UGT8: variants seen among roughly 807,000 people sequenced by gnomAD.
UGT8 encodes the protein 2-hydroxyacylsphingosine 1-beta-galactosyltransferase.
UGT8 carries 12 observed loss-of-function variants against 40.5 expected under a neutral mutation model. That is an observed-to-expected ratio of 0.30 (90% CI 0.19 to 0.48). The LOEUF (loss-of-function observed/expected upper bound fraction) is 0.48. Ranked by LOEUF, UGT8 falls within the 20% of genes least tolerant of loss-of-function variation. The probability of loss-of-function intolerance (pLI) is 0.99; values close to 1 mark genes in which losing one functional copy is unlikely to be tolerated. For missense variants in UGT8, 513 were observed against 648.7 expected (o/e 0.79, Z 2.27); for synonymous variants, 224 against 240.4 (o/e 0.93, Z 0.63).
chr4:114,620,244 C>G (rs994331968), intron 1 of UGT8, among the ~76,000 whole-genome samples: 3 of 152,212 alleles, frequency 2.0e-5, no homozygotes, highest in Admixed American at 2.0e-4. Flanking sequence ...GATCCAGAAC[C>G]CAGTGGAGAG....
chr4:114,645,642 A>G (rs1733524159), intron 2 of UGT8, among the ~76,000 whole-genome samples: 1 of 152,220 alleles, frequency 6.6e-6, no homozygotes, highest in South Asian at 2.1e-4. Context: ...AAATTCTCTT[A>G]TGGTCATCAT....
chr4:114,668,923 G>C (rs893044539), intron 5 of UGT8, among the ~76,000 whole-genome samples: 1 of 152,122 alleles, frequency 6.6e-6, no homozygotes, highest in African/African-American at 2.4e-5. Context: ...AGTCTCAAAG[G>C]GTGAAGAACT....
At chr4:114,615,984 G>C (rs189877056) in intron 1 of UGT8, among the ~76,000 whole-genome samples, 32 of 151,660 alleles carry the variant, frequency 2.1e-4, no homozygotes, top group Admixed American at 1.4e-3. Context: ...GGAGTACCTG[G>C]CCATGTGAGG....
At position 114,660,585 on chromosome 4, in the gene UGT8, A is replaced by G. The variant is rs193115286; in HGVS notation, c.823-3410A>G. ...TTGTTGATTTTTAAAATGTCTTTTTAAAATTATAATTCAGTTTAACTTTTA... is the reference window on the plus strand; with the variant it reads ...TTGTTGATTTTTAAAATGTCTTTTTGAAATTATAATTCAGTTTAACTTTTA... On this transcript the variant is annotated intron_variant, in intron 2 of 5. Transcript: ENST00000310836. Among the ~76,000 whole-genome samples the G allele has an allele frequency of 4.6e-5, 7 of 152,232 alleles. No homozygotes were observed. In the East Asian group the frequency reaches 7.7e-4, roughly 17 times the overall value.
At chr4:114,664,949 T>A (rs1020788809) in intron 3 of UGT8, among the ~76,000 whole-genome samples, 1 of 152,230 alleles carries the variant, frequency 6.6e-6, no homozygotes, top group Non-Finnish European at 1.5e-5. Context: ...TTCTCCTGGC[T>A]GAACTATGCA....
intron 2 of UGT8, among the ~76,000 whole-genome samples, chr4:114,646,551 G>A (rs1733583777): frequency 6.6e-6 from 1 of 152,096 alleles, no homozygotes; most frequent in South Asian, 2.1e-4. Context: ...CACTACTGGG[G>A]TTTCACAGGA....
At chr4:114,658,646 T>G (rs1405122212) in intron 2 of UGT8, among the ~76,000 whole-genome samples, 2 of 152,226 alleles carry the variant, frequency 1.3e-5, no homozygotes, top group African/African-American at 4.8e-5. Flanking sequence ...AAGCTCATTT[T>G]TTAAGAAGCT....
At chr4:114,671,338 C>G (rs1248461731) in intron 5 of UGT8, among the ~76,000 whole-genome samples, 1 of 151,984 alleles carries the variant, frequency 6.6e-6, no homozygotes, top group Non-Finnish European at 1.5e-5. Flanking sequence ...AAGAAGACCC[C>G]CTATAGCCAA....
intron 2 of UGT8, among the ~76,000 whole-genome samples, chr4:114,628,057 A>T (rs1333447722): frequency 6.6e-6 from 1 of 152,168 alleles, no homozygotes; most frequent in African/African-American, 2.4e-5. Context: ...TATAACTATC[A>T]TCTGTTTGTT....
At chr4:114,638,669 A>G (rs903828685) in intron 2 of UGT8, among the ~76,000 whole-genome samples, 1 of 152,196 alleles carries the variant, frequency 6.6e-6, no homozygotes, top group African/African-American at 2.4e-5. Flanking sequence ...CATGACTGAC[A>G]TTTTAGGTCA....
chr4:114,651,765 T>G (rs1030535667), intron 2 of UGT8, among the ~76,000 whole-genome samples: 1 of 152,256 alleles, frequency 6.6e-6, no homozygotes, highest in South Asian at 2.1e-4. Flanking sequence ...AAGTGTAACT[T>G]TATCCTAAAT....
chr4:114,663,209 C>T (rs1311764879), intron 2 of UGT8, among the ~76,000 whole-genome samples: 1 of 152,088 alleles, frequency 6.6e-6, no homozygotes, highest in Non-Finnish European at 1.5e-5. Flanking sequence ...GCATGGCTGA[C>T]ACAGGCATGG....
chr4:114,619,616 A>G (rs886805786), intron 1 of UGT8: 2 of 152,152 alleles, frequency 1.3e-5, no homozygotes, highest in East Asian at 3.9e-4. Context: ...TTTTCAGTCA[A>G]CATTTAATCT....
chr4:114,656,623 A>C (rs555352116), intron 2 of UGT8: 1 of 314,354 alleles, frequency 3.2e-6, no homozygotes, highest in Non-Finnish European at 6.4e-6. Flanking sequence ...CTCACATGCT[A>C]CAAGAAGTGT....
At chr4:114,605,589 T>C (rs1454064770) in intron 1 of UGT8, among the ~76,000 whole-genome samples, 1 of 152,194 alleles carries the variant, frequency 6.6e-6, no homozygotes, top group African/African-American at 2.4e-5. Context: ...CACCAAATCA[T>C]GACTTTTTAG....
At chr4:114,640,239 C>T (rs1022888445) in intron 2 of UGT8, among the ~76,000 whole-genome samples, 51 of 151,920 alleles carry the variant, frequency 3.4e-4, no homozygotes, top group Non-Finnish European at 6.2e-4. Flanking sequence ...ACCGTGTTAG[C>T]CAGGATGGTC....
Position 114,676,289 on chromosome 4 carries a change from G to C in UGT8, c.*1G>C. The C allele has an allele frequency of 1.3e-6, 2 of 1,576,234 alleles. No homozygotes were observed. Among genetic ancestry groups the C allele is most frequent in the Middle Eastern group, 1.8e-4 (1 of 5,564 alleles). ...TAAACATGAAAAGAAAGTGAAATGA[G>C]CCAACAGCCCAGGTGATAGAAATAA... On this transcript the variant is annotated 3_prime_UTR_variant, in exon 6 of 6. Coordinates refer to ENST00000310836, the MANE Select transcript of UGT8 (RefSeq NM_001128174.3).
At chr4:114,599,505 G>C (rs1348846323) in intron 1 of UGT8, among the ~76,000 whole-genome samples, 1 of 152,214 alleles carries the variant, frequency 6.6e-6, no homozygotes, top group Non-Finnish European at 1.5e-5. Context: ...GTTGGGGGTG[G>C]GGAATGTCTT....
At chr4:114,621,933 T>TATA in intron 1 of UGT8, among the ~76,000 whole-genome samples, 1 of 152,154 alleles carries the variant, frequency 6.6e-6, no homozygotes, top group Middle Eastern at 3.4e-3. Context: ...TATGTTAGTG[T>TATA]ATAATACTAT....
Sources: allele counts gnomAD v4.1 joint callset (sites outside exome capture counted in the v4.1 genomes callset), GRCh38; gene constraint gnomAD v4.1.1; transcripts MANE v1.5; gene names NCBI Gene and HGNC (gene_info 2026-07-23, HGNC 2026-07-21).